Variants in WASL observed in about 807,000 individuals in gnomAD.
WASL encodes the protein WASP like actin nucleation promoting factor.
Under a neutral mutation model 55.5 loss-of-function variants are expected in WASL, and 20 were observed. That is an observed-to-expected ratio of 0.36 (90% CI 0.25 to 0.52). The LOEUF (loss-of-function observed/expected upper bound fraction) is 0.52. Among genes scored for constraint, WASL ranks in the 20% least tolerant of loss-of-function variants. WASL has a pLI of 0.92. For synonymous variants in WASL, 249 were observed against 217.6 expected, an observed-to-expected ratio of 1.14 and a Z score of -1.27; for missense variants, 504 against 622.5, an observed-to-expected ratio of 0.81 and a Z score of 2.03.
intron 1 of WASL, among the ~76,000 whole-genome samples, chr7:123,730,369 GTTA>G (rs1334523491): frequency 1.3e-5 from 2 of 152,082 alleles, no homozygotes; most frequent in African/African-American, 4.8e-5. Flanking sequence ...AATGTATTCA[GTTA>G]TTATAGCTTT....
At chr7:123,732,201 A>T (rs1293611268) in intron 1 of WASL, among the ~76,000 whole-genome samples, 1 of 152,024 alleles carries the variant, frequency 6.6e-6, no homozygotes, top group East Asian at 1.9e-4. Context: ...GTGGTGGCGG[A>T]CGCCTGTAGT....
intron 1 of WASL, among the ~76,000 whole-genome samples, chr7:123,726,925 C>T (rs1269408095): frequency 3.9e-5 from 6 of 152,006 alleles, no homozygotes; most frequent in Admixed American, 1.3e-4. Flanking sequence ...ATCTGAAGTA[C>T]GTATCTCTAA....
chr7:123,687,000 GAATT>G (rs1461733876), intron 10 of WASL, among the ~76,000 whole-genome samples: 2 of 152,020 alleles, frequency 1.3e-5, no homozygotes, highest in Non-Finnish European at 2.9e-5. Flanking sequence ...ATCTATAGTT[GAATT>G]AATAGGTATC....
chr7:123,689,783 G>GGA (rs137977835), intron 9 of WASL, among the ~76,000 whole-genome samples: 14 of 148,800 alleles, frequency 9.4e-5, no homozygotes, highest in Non-Finnish European at 2.1e-4. Flanking sequence ...GTGCATTCAT[G>GGA]AAAAAAAAAA....
At chr7:123,738,003 T>C (rs1054711724) in intron 1 of WASL, among the ~76,000 whole-genome samples, 6 of 151,976 alleles carry the variant, frequency 3.9e-5, no homozygotes, top group Admixed American at 6.6e-5. Context: ...AATAATCCAA[T>C]AGAAAATTGG....
At chr7:123,689,748 C>CT (rs1162843393) in intron 9 of WASL, among the ~76,000 whole-genome samples, 1 of 151,682 alleles carries the variant, frequency 6.6e-6, no homozygotes, top group African/African-American at 2.4e-5. Flanking sequence ...CAATCCCTAA[C>CT]TGAAGTACTT....
intron 5 of WASL, 32 bp downstream of exon 5, chr7:123,704,600 ATC>A (rs1803638748): frequency 6.7e-7 from 1 of 1,492,310 alleles, no homozygotes; most frequent in African/African-American, 1.4e-5. Flanking sequence ...GTCATCTAAA[ATC>A]TTAAAAGATT....
intron 1 of WASL, among the ~76,000 whole-genome samples, chr7:123,718,346 G>A (rs1803880414): frequency 6.6e-6 from 1 of 152,156 alleles, no homozygotes; most frequent in Non-Finnish European, 1.5e-5. Flanking sequence ...TTTTGTATAT[G>A]AAGAAAACAA....
intron 1 of WASL, among the ~76,000 whole-genome samples, chr7:123,747,450 ACAAAGGG>A (rs1562968810): frequency 1.3e-5 from 2 of 152,254 alleles, no homozygotes; most frequent in African/African-American, 4.8e-5. Context: ...GGCACAAGAT[ACAAAGGG>A]TGGACTCCTA....
At chr7:123,706,458 A>C (rs1440636901) in intron 3 of WASL, 85 bp from the exon 4 acceptor site, 2 of 1,291,596 alleles carry the variant, frequency 1.5e-6, no homozygotes, top group Non-Finnish European at 2.2e-6. Flanking sequence ...AAAGAAGTAT[A>C]TTTCTAAAGA....
intron 1 of WASL, among the ~76,000 whole-genome samples, chr7:123,732,635 G>A (rs2116817255): frequency 6.6e-6 from 1 of 152,290 alleles, no homozygotes; most frequent in South Asian, 2.1e-4. Flanking sequence ...AGGAATACAT[G>A]ATAGAAATCT....
intron 3 of WASL, 60 bp from the exon 4 acceptor site, chr7:123,706,433 T>G: frequency 6.9e-7 from 1 of 1,450,198 alleles, no homozygotes; most frequent in Non-Finnish European, 9.6e-7. Flanking sequence ...CTTTATATCA[T>G]AAAAACAATG....
chr7:123,732,243 T>C (rs867116216), intron 1 of WASL, among the ~76,000 whole-genome samples: 3 of 152,176 alleles, frequency 2.0e-5, no homozygotes, highest in Middle Eastern at 3.4e-3. Context: ...GGCAGGAGAA[T>C]GGCGTGAACC....
At chr7:123,697,821 G>A (rs1359310870) in intron 5 of WASL, among the ~76,000 whole-genome samples, 3 of 152,168 alleles carry the variant, frequency 2.0e-5, no homozygotes, top group African/African-American at 7.2e-5. Context: ...TGTCTAAACT[G>A]TTTGTGCTAA....
chr7:123,743,430 G>C (rs190379976), intron 1 of WASL, among the ~76,000 whole-genome samples: 25 of 152,008 alleles, frequency 1.6e-4, no homozygotes, highest in Admixed American at 1.3e-3. Context: ...TTTTCATCAG[G>C]ACCCCTTTCT....
intron 1 of WASL, among the ~76,000 whole-genome samples, chr7:123,745,182 G>C (rs912785027): frequency 1.3e-5 from 2 of 152,052 alleles, no homozygotes; most frequent in Admixed American, 6.5e-5. Flanking sequence ...ACTAATTTCT[G>C]CTGGAGACTT....
At position 123,734,156 on chromosome 7, in the gene WASL, A is replaced by C. The variant is rs180835665; in HGVS notation, c.117+14462T>G. 2.2e-3 allele frequency among the ~76,000 whole-genome samples: 332 copies of C among 152,304 alleles called. 1 individual carries two copies. The highest frequency in any genetic ancestry group is 3.5e-3 in the Non-Finnish European group (240 of 68,020). The stretch of plus-strand genomic sequence containing the variant: ...CTGGATGGACTTCATTAAAATTAAA[A>C]ACTTCTTTCTGTGAAAGACACTGAT... On this transcript the variant is annotated intron_variant, in intron 1 of 10. Coordinates refer to ENST00000223023, the MANE Select transcript of WASL (RefSeq NM_003941.4).
At chr7:123,736,348 C>T (rs957665568) in intron 1 of WASL, among the ~76,000 whole-genome samples, 1 of 152,116 alleles carries the variant, frequency 6.6e-6, no homozygotes. Flanking sequence ...TAGATTTAGA[C>T]AGATGAATTA....
At chr7:123,723,145 G>A (rs556973711) in intron 1 of WASL, among the ~76,000 whole-genome samples, 1 of 152,224 alleles carries the variant, frequency 6.6e-6, no homozygotes, top group South Asian at 2.1e-4. Context: ...TAGAACACTG[G>A]CATTGTATGC....
Sources: gnomAD v4.1 joint callset for allele counts (sites outside exome capture counted in the v4.1 genomes callset) on GRCh38, gnomAD v4.1.1 for gene constraint, MANE v1.5 for transcripts, NCBI Gene and HGNC (gene_info 2026-07-23, HGNC 2026-07-21) for gene names.